Variants in COG7 observed in about 807,000 individuals in gnomAD.
COG7 encodes conserved oligomeric Golgi complex subunit 7.
Under a neutral mutation model 91.5 loss-of-function variants are expected in COG7, and 49 were observed. That is an observed-to-expected ratio of 0.54 (90% CI 0.43 to 0.68). COG7 has a LOEUF of 0.68. Ranked by LOEUF, COG7 falls within the 30% of genes least tolerant of loss-of-function variation. The probability of loss-of-function intolerance (pLI) is 0.00; values close to 1 mark genes in which losing one functional copy is unlikely to be tolerated. For synonymous variants in COG7, 365 were observed against 388.7 expected, an observed-to-expected ratio of 0.94 and a Z score of 0.72; for missense variants, 895 against 961.3, an observed-to-expected ratio of 0.93 and a Z score of 0.91.
chr16:23,390,215 T>A (rs1007811304), intron 16 of COG7: 1 of 151,448 alleles, frequency 6.6e-6, no homozygotes, highest in African/African-American at 2.4e-5. Context: ...TTTTTTTTCT[T>A]TTCTGAGACA....
chr16:23,409,088 T>C lies in COG7; in HGVS notation c.1475+1207A>G, dbSNP rs384206. Reference sequence around the variant, plus strand: ...GCGTGTGTGTGTGTGTGTGTGTGTGTGCGTGCATGTGTGTGTGTGTGTGTG... The same window carrying C: ...GCGTGTGTGTGTGTGTGTGTGTGTGCGCGTGCATGTGTGTGTGTGTGTGTG... On this transcript the variant is annotated intron_variant, in intron 11 of 16. Coordinates refer to ENST00000307149, the MANE Select transcript of COG7 (RefSeq NM_153603.4). Among the ~76,000 whole-genome samples, 312 of 147,908 alleles carry C rather than the reference T, an allele frequency of 2.1e-3. 4 individuals are homozygous for C. Among genetic ancestry groups the C allele is most frequent in the African/African-American group, 6.1e-3 (241 of 39,554 alleles).
intron 11 of COG7, among the ~76,000 whole-genome samples, chr16:23,409,922 C>T (rs1042414940): frequency 8.5e-5 from 13 of 152,146 alleles, no homozygotes; most frequent in Non-Finnish European, 1.9e-4. Flanking sequence ...GGGACTTCAC[C>T]ACCACTTGTC....
intron 12 of COG7, among the ~76,000 whole-genome samples, chr16:23,405,478 C>A (rs1963444175): frequency 6.6e-6 from 1 of 151,976 alleles, no homozygotes; most frequent in South Asian, 2.1e-4. Context: ...TACAGCAAGT[C>A]CCCCTAGCCG....
intron 12 of COG7, among the ~76,000 whole-genome samples, chr16:23,404,618 G>C (rs557167237): frequency 2.0e-5 from 3 of 152,216 alleles, no homozygotes; most frequent in Non-Finnish European, 2.9e-5. Context: ...CTAGGCTGTG[G>C]ATAATTTTCT....
intron 13 of COG7, 64 bp downstream of exon 13, chr16:23,403,630 A>C (rs1963412834): frequency 1.9e-6 from 3 of 1,597,802 alleles, no homozygotes; most frequent in Admixed American, 3.3e-5. Flanking sequence ...TTAAGCCCAC[A>C]CTCAGTATGC....
intron 9 of COG7, 129 bp from the exon 10 acceptor site, chr16:23,413,693 C>T (rs1171864209): frequency 2.7e-5 from 19 of 710,914 alleles, no homozygotes; most frequent in Admixed American, 4.1e-5. Context: ...CTCCCACCGA[C>T]GAGTGAAACT....
At position 23,416,927 on chromosome 16, in the gene COG7, T is replaced by A. The variant is rs547089894; in HGVS notation, c.1292+40A>T. ...CATTTTTATCTGGGACAGACACTGC[T>A]CCAATGTGGCCCGTCTGGTCCCCAG... On this transcript the variant is annotated intron_variant, in intron 9 of 16. Coordinates refer to ENST00000307149, the MANE Select transcript of COG7 (RefSeq NM_153603.4). 6 of 1,613,308 alleles carry A rather than the reference T, an allele frequency of 3.7e-6. No individual in the cohort carries two copies. The Admixed American group carries it at 8.3e-5, about 22-fold the overall frequency.
chr16:23,393,612 C>A, intron 14 of COG7: 1 of 484,888 alleles, frequency 2.1e-6, no homozygotes, highest in Non-Finnish European at 3.7e-6. Context: ...ATCTCTATCT[C>A]CAATGAAGTA....
chr16:23,410,228 G>T, intron 11 of COG7, 67 bp downstream of exon 11: 1 of 1,318,436 alleles, frequency 7.6e-7, no homozygotes, highest in Admixed American at 1.8e-5. Flanking sequence ...GCTGTACTGT[G>T]TACTAGACCA....
At chr16:23,411,607 T>C (rs778331883) in intron 10 of COG7, among the ~76,000 whole-genome samples, 11 of 152,192 alleles carry the variant, frequency 7.2e-5, no homozygotes, top group Non-Finnish European at 1.5e-4. Flanking sequence ...TATCAACCCA[T>C]AGAACATTAA....
intron 13 of COG7, among the ~76,000 whole-genome samples, chr16:23,398,745 G>T (rs1963325254): frequency 6.6e-6 from 1 of 152,156 alleles, no homozygotes; most frequent in African/African-American, 2.4e-5. Context: ...GAACTCAGAG[G>T]GATGGGGATG....
chr16:23,403,972 G>T, intron 12 of COG7, 138 bp from the exon 13 acceptor site: 2 of 959,108 alleles, frequency 2.1e-6, no homozygotes, highest in Non-Finnish European at 1.6e-6. Context: ...TGTGCCCCAG[G>T]CCCCTCTGGA....
intron 12 of COG7, among the ~76,000 whole-genome samples, chr16:23,405,837 T>C (rs981691675): frequency 1.3e-5 from 2 of 152,150 alleles, no homozygotes; most frequent in African/African-American, 4.8e-5. Context: ...TTCTCTAACC[T>C]GGCTTTTATC....
Position 23,417,031 on chromosome 16 carries a change from C to A in COG7, c.1228G>T (p.Val410Phe). 6.2e-7 allele frequency: 1 copy of A among 1,614,218 alleles called. No individual in the cohort carries two copies. The highest frequency in any genetic ancestry group is 2.2e-5 in the East Asian group (1 of 44,888). The change falls in exon 9 of 17, where the codon GTC (valine) becomes TTC (phenylalanine). Residue 410 changes from valine to phenylalanine, a missense_variant. By Grantham distance (50) the Val-to-Phe change is conservative. Transcript: ENST00000307149. ...GLASAAVDRC[V>F]RFTNGLGTCG... ...GTCCCCAGGCCATTGGTGAATCTGA[C>A]GCATCTGTCAACGGCTGCAGACGCC...
intron 4 of COG7, among the ~76,000 whole-genome samples, chr16:23,441,062 A>T (rs1964092950): frequency 1.3e-5 from 2 of 152,322 alleles, no homozygotes; most frequent in Non-Finnish European, 2.9e-5. Flanking sequence ...GAACAAATAA[A>T]ACAGAAAAAA....
At chr16:23,435,124 G>C (rs1315565569) in intron 4 of COG7, among the ~76,000 whole-genome samples, 2 of 152,210 alleles carry the variant, frequency 1.3e-5, no homozygotes, top group Non-Finnish European at 2.9e-5. Context: ...AGCACTTTGG[G>C]AGGCTAAGGC....
At chr16:23,424,131 C>T (rs1963804948) in intron 7 of COG7, among the ~76,000 whole-genome samples, 2 of 152,048 alleles carry the variant, frequency 1.3e-5, no homozygotes, top group African/African-American at 2.4e-5. Flanking sequence ...AACCCAATCT[C>T]TACTAAAAAT....
rs778585982 is a variant in COG7 at position 23,417,077 on chromosome 16, G to A, written c.1182C>T (p.Ser394=). 21 of 1,614,098 alleles carry A rather than the reference G, an allele frequency of 1.3e-5. No homozygotes were observed. The East Asian group carries it at 1.8e-4, about 14-fold the overall frequency. Residue 394 remains serine, a synonymous_variant, in exon 9 of 17, where the codon TCC becomes TCT. Transcript: ENST00000307149. The part of the protein sequence containing the change: ...VIDCVQELSH[S]VNKLFGLASA... ...ACGCCAGACCAAACAGCTTGTTCAC[G>A]GAGTGGCTCAGCTCCTGCACACAGT...
chr16:23,398,288 C>T (rs1963317368), intron 13 of COG7, among the ~76,000 whole-genome samples, 159 bp from the exon 14 acceptor site: 1 of 152,200 alleles, frequency 6.6e-6, no homozygotes, highest in African/African-American at 2.4e-5. Context: ...GCAGGGGCTT[C>T]TCTTCTTTAA....
Sources: allele counts gnomAD v4.1 joint callset (sites outside exome capture counted in the v4.1 genomes callset), GRCh38; gene constraint gnomAD v4.1.1; transcripts MANE v1.5; gene names NCBI Gene and HGNC (gene_info 2026-07-23, HGNC 2026-07-21).